CCL19: variants seen among roughly 807,000 people sequenced by gnomAD.
CCL19 encodes C-C motif chemokine 19.
CCL19 carries 5 observed loss-of-function variants against 9.7 expected under a neutral mutation model. The ratio of observed to expected loss-of-function variants is 0.51; its 90% CI spans 0.27 to 1.08. The LOEUF (loss-of-function observed/expected upper bound fraction) is 1.08. CCL19 is among the 50% of genes least tolerant of loss of function. The pLI is 0.12. For synonymous variants in CCL19, 40 were observed against 47.4 expected (o/e 0.84, Z 0.64); for missense variants, 90 against 122.5 (o/e 0.73, Z 1.25).
chr9:34,691,195 G>C lies in CCL19; in HGVS notation c.-56C>G. On this transcript the variant is annotated 5_prime_UTR_variant, in exon 1 of 4. Transcript: ENST00000311925. Reference sequence around the variant, plus strand: ...ATGTGTGAGCGCCAGCTGTCTGGGTGTGTGCAGGATCTGTGTGAGGCTGCA... The same window carrying C: ...ATGTGTGAGCGCCAGCTGTCTGGGTCTGTGCAGGATCTGTGTGAGGCTGCA... 6.5e-7 allele frequency: 1 copy of C among 1,548,128 alleles called. No individual in the cohort carries two copies. Among genetic ancestry groups the C allele is most frequent in the Non-Finnish European group, 8.9e-7 (1 of 1,124,462 alleles).
intron 1 of CCL19, 66 bp downstream of exon 1, chr9:34,691,025 A>C: frequency 7.3e-7 from 1 of 1,373,958 alleles, no homozygotes; most frequent in Admixed American, 2.1e-5. Flanking sequence ...AAGCAATCTG[A>C]GATCTAGACA....
chr9:34,690,062 C>T (rs1206339435), intron 2 of CCL19, 39 bp from the exon 3 acceptor site: 1 of 1,599,640 alleles, frequency 6.3e-7, no homozygotes, highest in South Asian at 1.1e-5. Context: ...CCCCAGAATC[C>T]AGCATGCCTG....
chr9:34,690,089 A>G, intron 2 of CCL19, 66 bp from the exon 3 acceptor site: 1 of 1,590,900 alleles, frequency 6.3e-7, no homozygotes, highest in Non-Finnish European at 8.6e-7. Flanking sequence ...ATGTCTGGGA[A>G]CCTGTTTCAG....
intron 2 of CCL19, 51 bp from the exon 3 acceptor site, chr9:34,690,074 G>T: frequency 6.3e-7 from 1 of 1,597,330 alleles, no homozygotes. Context: ...GCATGCCTGG[G>T]GACCATGTCT....
chr9:34,690,006 C>T lies in CCL19; in HGVS notation c.200G>A (p.Gly67Asp), dbSNP rs766926571. 1 of 1,614,024 alleles carries T rather than the reference C, an allele frequency of 6.2e-7. No homozygotes were observed. Among genetic ancestry groups the T allele is most frequent in the Non-Finnish European group, 8.5e-7 (1 of 1,179,992 alleles). The change falls in exon 3 of 4, where the codon GGC becomes GAC. Residue 67 changes from glycine (G) to aspartate (D), a missense_variant. Coordinates refer to ENST00000311925, the MANE Select transcript of CCL19 (RefSeq NM_006274.3). ...GTCTGGGGGTGCACAGAGCTGGCGG[C>T]CCCTCAGTGTGGTGAACCTGGGGTG... ...VPAVVFTTLR[G>D]RQLCAPPDQP... is the part of the protein sequence containing the mutation.
chr9:34,690,513 T>C (rs1166704658), intron 1 of CCL19, among the ~76,000 whole-genome samples, 171 bp from the exon 2 acceptor site: 1 of 151,356 alleles, frequency 6.6e-6, no homozygotes, highest in African/African-American at 2.4e-5. Context: ...TCAGCCATTA[T>C]GCACCAATAT....
At chr9:34,690,117 T>C in intron 2 of CCL19, 93 bp downstream of exon 2, 2 of 1,587,368 alleles carry the variant, frequency 1.3e-6, no homozygotes, top group Non-Finnish European at 8.6e-7. Flanking sequence ...CTTGAAGGGG[T>C]TGGGCTTGGC....
In CCL19 at chr9:34,691,082, C is replaced by T; in HGVS notation, c.49+9G>A. On this transcript the variant is annotated intron_variant, in intron 1 of 3. Coordinates refer to ENST00000311925, the MANE Select transcript of CCL19 (RefSeq NM_006274.3). ...CTGCCTCTGACCCTGACTCTCCCTT[C>T]AGCCTTACCTGGGGAAGTCCAGAGA... 1 of 1,603,784 alleles carries T rather than the reference C, an allele frequency of 6.2e-7. No homozygotes were observed. The highest frequency in any genetic ancestry group is 1.1e-5 in the South Asian group (1 of 88,866).
rs1821772185 is a variant in CCL19 at position 34,689,721 on chromosome 9, G to A, written c.*98C>T. On this transcript the variant is annotated 3_prime_UTR_variant, in exon 4 of 4. Coordinates refer to ENST00000311925, the MANE Select transcript of CCL19 (RefSeq NM_006274.3). The surrounding 1 kb of genome is among the most constrained non-coding windows in gnomAD (Gnocchi z 4.1). ...TGGTCAGGTCTGGTGCAGAGGAGCT[G>A]GAAGCCTGGTCCTTCCTTCTGGTCC... The A allele has an allele frequency of 1.3e-5, 19 of 1,438,178 alleles. No individual in the cohort carries two copies. The highest frequency in any genetic ancestry group is 1.8e-5 in the Non-Finnish European group (19 of 1,031,380). 89.1% of individuals were successfully genotyped at this position (1,438,178 alleles called of 1,614,324 possible). A position where few individuals can be genotyped will look rare whatever the true frequency, so the allele number is the denominator to read the frequency against.
rs376753005 is a variant in CCL19 at position 34,690,557 on chromosome 9, C to G, written c.50-215G>C. Among the ~76,000 whole-genome samples the G allele has an allele frequency of 4.0e-4, 60 of 151,556 alleles. 1 individual carries two copies. In the South Asian group the frequency reaches 0.012, roughly 31 times the overall value. On this transcript the variant is annotated intron_variant, in intron 1 of 3. Coordinates refer to ENST00000311925, the MANE Select transcript of CCL19 (RefSeq NM_006274.3). ...CTCTACTGGTTGCTAAATATATTGT[C>G]ATACTTCTAAACTGTTTTGTAAATA...
At chr9:34,690,044 G>C (rs1420124545) in intron 2 of CCL19, 21 bp from the exon 3 acceptor site, 2 of 1,610,822 alleles carry the variant, frequency 1.2e-6, no homozygotes. Flanking sequence ...AGGCCGGAGA[G>C]AATGGAGCCC....
In CCL19 at chr9:34,689,718, G is replaced by C. The variant is rs1232022183; in HGVS notation, c.*101C>G. On this transcript the variant is annotated 3_prime_UTR_variant, in exon 4 of 4. Transcript: ENST00000311925. The surrounding 1 kb of genome is among the most constrained non-coding windows in gnomAD (Gnocchi z 4.1). ...GGCTGGTCAGGTCTGGTGCAGAGGA[G>C]CTGGAAGCCTGGTCCTTCCTTCTGG... 7 of 1,403,156 alleles carry C rather than the reference G, an allele frequency of 5.0e-6. No individual in the cohort carries two copies. Among genetic ancestry groups the C allele is most frequent in the African/African-American group, 1.4e-5 (1 of 70,654 alleles). 86.9% of individuals were successfully genotyped at this position (1,403,156 alleles called of 1,614,324 possible). A position where few individuals can be genotyped will look rare whatever the true frequency, so the allele number is the denominator to read the frequency against.
Position 34,689,691 on chromosome 9 carries a change from C to A in CCL19, c.*128G>T. 9.2e-7 allele frequency: 1 copy of A among 1,082,742 alleles called. No individual in the cohort carries two copies. Among genetic ancestry groups the A allele is most frequent in the Non-Finnish European group, 1.4e-6 (1 of 719,306 alleles). The allele number at this position is 1,082,742 out of a possible 1,614,324, so 67.1% of individuals were successfully genotyped here. A position where few individuals can be genotyped will look rare whatever the true frequency, so the allele number is the denominator to read the frequency against. On this transcript the variant is annotated 3_prime_UTR_variant, in exon 4 of 4. Transcript: ENST00000311925. This position sits in a 1 kb window ranked among gnomAD's most constrained non-coding sequence, Gnocchi z 4.1. ...ACTCACACACACCCCAGGCCCTGTC[C>A]TGGCTGGTCAGGTCTGGTGCAGAGG...
intron 2 of CCL19, 74 bp from the exon 3 acceptor site, chr9:34,690,097 C>T: frequency 6.3e-7 from 1 of 1,588,988 alleles, no homozygotes; most frequent in South Asian, 1.1e-5. Context: ...GAACCTGTTT[C>T]AGGGATTTCC....
Position 34,689,573 on chromosome 9 carries a change from G to A in CCL19, c.*246C>T. ...ATCTGTAACAGGTTGTGATCAATTA[G>A]TTGTAAACACCAGGCGGCTTTATTG... On this transcript the variant is annotated 3_prime_UTR_variant, in exon 4 of 4. Coordinates refer to ENST00000311925, the MANE Select transcript of CCL19 (RefSeq NM_006274.3). This position sits in a 1 kb window ranked among gnomAD's most constrained non-coding sequence, Gnocchi z 4.1. The A allele has an allele frequency of 1.9e-6, 1 of 526,232 alleles. No homozygotes were observed. Among genetic ancestry groups the A allele is most frequent in the South Asian group, 2.9e-5 (1 of 34,916 alleles). 32.6% of individuals were successfully genotyped at this position (526,232 alleles called of 1,614,324 possible).
chr9:34,691,049 G>A (rs1564113142), intron 1 of CCL19, 42 bp downstream of exon 1: 1 of 1,539,884 alleles, frequency 6.5e-7, no homozygotes, highest in Non-Finnish European at 8.8e-7. Flanking sequence ...CCCACTGCCA[G>A]CCCCCCACTG....
chr9:34,690,248 G>A lies in CCL19; in HGVS notation c.144C>T (p.Tyr48=). Residue 48 remains tyrosine, a synonymous_variant, in exon 2 of 4, where the codon TAC becomes TAT. Transcript: ENST00000311925. ...IPGYIVRNFH[Y]LLIKDGCRVP... is the part of the protein sequence containing the mutation. Reference sequence around the variant, plus strand: ...CCCTGCAGCCATCCTTGATGAGAAGGTAGTGGAAGTTCCTCACGATGTACC... The same window carrying A: ...CCCTGCAGCCATCCTTGATGAGAAGATAGTGGAAGTTCCTCACGATGTACC... 1.2e-6 allele frequency: 2 copies of A among 1,614,172 alleles called. No homozygotes were observed. Among genetic ancestry groups the A allele is most frequent in the South Asian group, 2.2e-5 (2 of 91,082 alleles).
chr9:34,690,144 A>G, intron 2 of CCL19, 66 bp downstream of exon 2: 2 of 1,599,044 alleles, frequency 1.3e-6, no homozygotes, highest in Non-Finnish European at 1.7e-6. Flanking sequence ...AAGGGGAATA[A>G]GAAGGTGGGA....
Position 34,691,151 on chromosome 9 carries a change from A to G in CCL19, c.-12T>C, listed in dbSNP as rs1323302677. On this transcript the variant is annotated 5_prime_UTR_variant, in exon 1 of 4. Transcript: ENST00000311925. ...AGTAGCAGGGCCATGGAGGGTGAAC[A>G]GAGGCAGGCCAACGGTGAATGTGTG... is the stretch of plus-strand genomic sequence containing the variant. 6.2e-7 allele frequency: 1 copy of G among 1,613,204 alleles called. No individual in the cohort carries two copies. The highest frequency in any genetic ancestry group is 8.5e-7 in the Non-Finnish European group (1 of 1,179,626).
Sources: allele counts gnomAD v4.1 joint callset (sites outside exome capture counted in the v4.1 genomes callset), GRCh38; gene constraint gnomAD v4.1.1; non-coding constraint Gnocchi (gnomAD v3.1); transcripts MANE v1.5; gene names NCBI Gene and HGNC (gene_info 2026-07-23, HGNC 2026-07-21).